Variants in ZFPM1 observed in about 807,000 individuals in gnomAD.
ZFPM1 encodes the protein zinc finger protein, FOG family member 1, also known as zinc finger protein ZFPM1.
In ZFPM1, 28 loss-of-function variants were observed where a neutral mutation model predicts 46.3. That is an observed-to-expected ratio of 0.60 (90% CI 0.45 to 0.83). The LOEUF (loss-of-function observed/expected upper bound fraction) is 0.83, where lower values mean the gene tolerates loss of function less well. Ranked by LOEUF, ZFPM1 falls within the 40% of genes least tolerant of loss-of-function variation. ZFPM1 has a pLI of 0.00. For missense variants in ZFPM1, 1,878 were observed against 1,432.4 expected (o/e 1.31, Z -5.02); for synonymous variants, 957 against 675.9 (o/e 1.42, Z -6.45).
chr16:88,531,888 TG>T, intron 6 of ZFPM1, 113 bp from the exon 7 acceptor site: 1 of 1,024,752 alleles, frequency 9.8e-7, no homozygotes, highest in Non-Finnish European at 1.4e-6. Flanking sequence ...CCTCAGCTCC[TG>T]GGGTGGGGAG....
rs921007756 is a variant in ZFPM1, at chr16:88,453,903, C to G, written c.40+225C>G. 8.5e-4 allele frequency among the ~76,000 whole-genome samples: 129 copies of G among 151,934 alleles called. 2 individuals are homozygous for G. Among genetic ancestry groups the G allele is most frequent in the Non-Finnish European group, 2.1e-4 (14 of 67,894 alleles). On this transcript the variant is annotated intron_variant, in intron 1 of 9. Coordinates refer to ENST00000319555, the MANE Select transcript of ZFPM1 (RefSeq NM_153813.3). ...CCGGGGGGTTCAGCCCAGGAGGGGG[C>G]CGCCCGGAGGCCGGGAGGAGGGTGT...
Position 88,469,248 on chromosome 16 carries a change from G to A in ZFPM1, c.40+15570G>A, listed in dbSNP as rs759069626. On this transcript the variant is annotated intron_variant, in intron 1 of 9. Coordinates refer to ENST00000319555, the MANE Select transcript of ZFPM1 (RefSeq NM_153813.3). This position sits in a 1 kb window ranked among gnomAD's most constrained non-coding sequence, Gnocchi z 4.3. ...CATTCTGCCAAGCTTCTGAAGTGCCGGCCGGGCCAGGGACGTGGCACCATC... is the reference window on the plus strand; with the variant it reads ...CATTCTGCCAAGCTTCTGAAGTGCCAGCCGGGCCAGGGACGTGGCACCATC... Among the ~76,000 whole-genome samples, 16 of 152,138 alleles carry A rather than the reference G, an allele frequency of 1.1e-4. No homozygotes were observed. Among genetic ancestry groups the A allele is most frequent in the Admixed American group, 6.5e-4 (10 of 15,278 alleles).
intron 3 of ZFPM1, among the ~76,000 whole-genome samples, chr16:88,501,220 C>CAGACAT (rs1597255076): frequency 1.5e-3 from 166 of 112,392 alleles, no homozygotes; most frequent in East Asian, 3.4e-3. Flanking sequence ...ATGGAGATAG[C>CAGACAT]GGGTGTGGGT....
rs147397780 is a variant in ZFPM1, at chr16:88,461,151, G to C, written c.40+7473G>C. On this transcript the variant is annotated intron_variant, in intron 1 of 9. Transcript: ENST00000319555. ...TGGGGCGGGAGACCTGGTGAGGACC[G>C]AGGGGCGGGAGACCTGGTGAGGACC... 1.1e-3 allele frequency among the ~76,000 whole-genome samples: 84 copies of C among 75,514 alleles called. 6 individuals carry two copies. The highest frequency in any genetic ancestry group is 5.0e-3 in the East Asian group (9 of 1,806). The allele number at this position is 75,514 out of a possible 152,430, so 49.5% of individuals were successfully genotyped here. A position where few individuals can be genotyped will look rare whatever the true frequency, so the allele number is the denominator to read the frequency against.
At chr16:88,491,547 C>G (rs1909575301) in intron 3 of ZFPM1, among the ~76,000 whole-genome samples, 1 of 152,184 alleles carries the variant, frequency 6.6e-6, no homozygotes, top group Non-Finnish European at 1.5e-5. Context: ...GGTTTGATCG[C>G]CACCCCAAGG....
chr16:88,485,791 T>C (rs1404616197), intron 1 of ZFPM1, 148 bp from the exon 2 acceptor site: 17 of 652,986 alleles, frequency 2.6e-5, no homozygotes, highest in Non-Finnish European at 4.5e-5. Flanking sequence ...CCACCTGTCC[T>C]TTGACCTCAG....
At position 88,532,262 on chromosome 16, in the gene ZFPM1, C is replaced by T. The variant is rs769412436; in HGVS notation, c.946+27C>T. Reference sequence around the variant, plus strand: ...TGAGCCCCCACCCCGGACGCGGGTCCTCAGGATGCCGGCTGCTTCCCCACC... The same window carrying T: ...TGAGCCCCCACCCCGGACGCGGGTCTTCAGGATGCCGGCTGCTTCCCCACC... On this transcript the variant is annotated intron_variant, in intron 7 of 9. Coordinates refer to ENST00000319555, the MANE Select transcript of ZFPM1 (RefSeq NM_153813.3). The T allele has an allele frequency of 3.1e-5, 48 of 1,557,826 alleles. No homozygotes were observed. The Admixed American group carries it at 6.9e-4, about 22-fold the overall frequency.
At chr16:88,530,927 C>T (rs1158082430) in intron 6 of ZFPM1, 1 of 152,288 alleles carries the variant, frequency 6.6e-6, no homozygotes, top group Non-Finnish European at 1.5e-5. Flanking sequence ...GAAGAGCCAC[C>T]TCACCCAGGC....
chr16:88,506,150 G>A (rs1057302811), intron 3 of ZFPM1, among the ~76,000 whole-genome samples: 1 of 152,176 alleles, frequency 6.6e-6, no homozygotes, highest in African/African-American at 2.4e-5. Context: ...ATCATGGCCA[G>A]GAGGCCAACA....
intron 3 of ZFPM1, among the ~76,000 whole-genome samples, chr16:88,501,682 G>A (rs779637698): frequency 2.3e-5 from 3 of 129,874 alleles, no homozygotes; most frequent in Non-Finnish European, 3.3e-5. Context: ...GATAGCGGGT[G>A]TGGGTGCAGG....
At chr16:88,455,130 G>GGGGT (rs1244808328) in intron 1 of ZFPM1, among the ~76,000 whole-genome samples, 2 of 124,156 alleles carry the variant, frequency 1.6e-5, no homozygotes, top group Non-Finnish European at 3.4e-5. Flanking sequence ...GTTCGGTTCT[G>GGGGT]GGGTGTGTGT....
At chr16:88,468,105 TGCGAGCCCACCGCCCCTCACGCACCC>T (rs1276720985) in intron 1 of ZFPM1, among the ~76,000 whole-genome samples, 12 of 52,600 alleles carry the variant, frequency 2.3e-4, no homozygotes, top group African/African-American at 4.7e-4. Flanking sequence ...CTGACGCACC[TGCGAGCCCACCGCCCCTCACGCACCC>T]GCGAGCCCAC....
At position 88,482,712 on chromosome 16, in the gene ZFPM1, G is replaced by T. The variant is rs181548975; in HGVS notation, c.41-3227G>T. Among the ~76,000 whole-genome samples the T allele has an allele frequency of 5.3e-5, 8 of 152,330 alleles. No individual in the cohort carries two copies. The East Asian group carries it at 1.5e-3, about 29-fold the overall frequency. Reference sequence around the variant, plus strand: ...GCCTCCAGCCCATTTGCCAGAGCAGGTCACTGAGGCCCTGATGCCCTACAG... The same window carrying T: ...GCCTCCAGCCCATTTGCCAGAGCAGTTCACTGAGGCCCTGATGCCCTACAG... On this transcript the variant is annotated intron_variant, in intron 1 of 9. Transcript: ENST00000319555.
chr16:88,478,558 C>G lies in ZFPM1; in HGVS notation c.41-7381C>G, dbSNP rs559359184. ...CCTGCCTCCCGCAGGGCTCACTGAG[C>G]TGCTGTTGCGGGCCCACAGAGGCAC... On this transcript the variant is annotated intron_variant, in intron 1 of 9. Coordinates refer to ENST00000319555, the MANE Select transcript of ZFPM1 (RefSeq NM_153813.3). Among the ~76,000 whole-genome samples, 7 of 152,390 alleles carry G rather than the reference C, an allele frequency of 4.6e-5. No homozygotes were observed. The East Asian group carries it at 1.3e-3, about 29-fold the overall frequency.
chr16:88,508,776 G>A (rs964659415), intron 3 of ZFPM1, among the ~76,000 whole-genome samples: 2 of 152,178 alleles, frequency 1.3e-5, no homozygotes, highest in South Asian at 4.1e-4. Flanking sequence ...TCTGTCCTGG[G>A]GCCTCAGCTG....
intron 3 of ZFPM1, among the ~76,000 whole-genome samples, chr16:88,494,090 A>C (rs1191039963): frequency 6.6e-6 from 1 of 152,136 alleles, no homozygotes; most frequent in Non-Finnish European, 1.5e-5. Context: ...TGTGTAGCGC[A>C]GAGTGTGGCT....
At chr16:88,501,275 C>T (rs1324607342) in intron 3 of ZFPM1, among the ~76,000 whole-genome samples, 24 of 101,092 alleles carry the variant, frequency 2.4e-4, no homozygotes, top group African/African-American at 6.0e-4. Flanking sequence ...AGATAGTGGG[C>T]CTGGGTGCGG....
intron 6 of ZFPM1, 52 bp from the exon 7 acceptor site, chr16:88,531,950 C>T: frequency 1.3e-6 from 2 of 1,528,290 alleles, no homozygotes; most frequent in Non-Finnish European, 8.9e-7. Flanking sequence ...CAGCCTTGCC[C>T]TGGCTGGCAG....
chr16:88,480,857 G>A lies in ZFPM1; in HGVS notation c.41-5082G>A, dbSNP rs529913024. On this transcript the variant is annotated intron_variant, in intron 1 of 9. Coordinates refer to ENST00000319555, the MANE Select transcript of ZFPM1 (RefSeq NM_153813.3). The surrounding 1 kb of genome is among the most constrained non-coding windows in gnomAD (Gnocchi z 4.9). ...CCTCAGCGACTGGCTCCAGCTTTCC[G>A]CAAGACAGTCGTTCAAAGGAGCCCC... is the stretch of plus-strand genomic sequence containing the variant. Among the ~76,000 whole-genome samples, 375 of 152,330 alleles carry A rather than the reference G, an allele frequency of 2.5e-3. 2 individuals are homozygous for A. Among genetic ancestry groups the A allele is most frequent in the African/African-American group, 8.6e-3 (358 of 41,568 alleles).
Sources: allele counts gnomAD v4.1 joint callset (sites outside exome capture counted in the v4.1 genomes callset), GRCh38; gene constraint gnomAD v4.1.1; non-coding constraint Gnocchi (gnomAD v3.1); transcripts MANE v1.5; gene names NCBI Gene and HGNC (gene_info 2026-07-23, HGNC 2026-07-21).